The following TCF12 variants were observed in gnomAD, a reference collection of about 807,000 sequenced individuals.
TCF12 encodes DNA-binding protein HTF4.
A neutral mutation model predicts 86.0 loss-of-function variants in TCF12; 45 were observed. That is an observed-to-expected ratio of 0.52 (90% CI 0.41 to 0.67). The LOEUF is 0.67. Ranked by LOEUF, TCF12 falls within the 30% of genes least tolerant of loss-of-function variation. The pLI is 0.00. For synonymous variants in TCF12, 330 were observed against 299.6 expected, an observed-to-expected ratio of 1.10 and a Z score of -1.05; for missense variants, 881 against 859.9, an observed-to-expected ratio of 1.02 and a Z score of -0.31.
chr15:57,184,913 A>G (rs991441204), intron 6 of TCF12, among the ~76,000 whole-genome samples: 3 of 151,884 alleles, frequency 2.0e-5, no homozygotes, highest in Admixed American at 6.6e-5. Flanking sequence ...GCCTATTGTT[A>G]TATTTATATT....
intron 5 of TCF12, among the ~76,000 whole-genome samples, chr15:57,158,752 C>T (rs2054296105): frequency 6.6e-6 from 1 of 152,186 alleles, no homozygotes; most frequent in Non-Finnish European, 1.5e-5. Flanking sequence ...TAATCTCACT[C>T]ACACTTGGCA....
At chr15:57,170,198 C>A (rs1188140670) in intron 6 of TCF12, among the ~76,000 whole-genome samples, 1 of 152,108 alleles carries the variant, frequency 6.6e-6, no homozygotes, top group Non-Finnish European at 1.5e-5. Context: ...GCATAGGAAT[C>A]CATCAGATTT....
At chr15:57,157,569 T>TCCC (rs771765775) in intron 5 of TCF12, among the ~76,000 whole-genome samples, 3 of 149,570 alleles carry the variant, frequency 2.0e-5, no homozygotes, top group Non-Finnish European at 3.0e-5. Flanking sequence ...TTTTTTTTTT[T>TCCC]CCTTTTTTGA....
intron 3 of TCF12, among the ~76,000 whole-genome samples, chr15:56,968,835 A>G (rs368194754): frequency 6.6e-6 from 1 of 152,234 alleles, no homozygotes. Context: ...GACATGAGAC[A>G]TCAGTCATTA....
chr15:56,934,569 T>TG (rs2060385840), intron 3 of TCF12, among the ~76,000 whole-genome samples: 1 of 152,212 alleles, frequency 6.6e-6, no homozygotes, highest in Non-Finnish European at 1.5e-5. Context: ...AAGATGCTCC[T>TG]GCAGCATCCA....
chr15:57,280,811 C>A (rs548966114), intron 19 of TCF12, among the ~76,000 whole-genome samples: 1 of 152,268 alleles, frequency 6.6e-6, no homozygotes, highest in South Asian at 2.1e-4. Context: ...AATATTACAA[C>A]TTCTAAAAAA....
At chr15:57,189,654 G>T (rs185624404) in intron 6 of TCF12, among the ~76,000 whole-genome samples, 141 of 152,288 alleles carry the variant, frequency 9.3e-4, no homozygotes, top group Middle Eastern at 3.4e-3. Flanking sequence ...AAATAGTGCA[G>T]CCCCTGTGGA....
chr15:57,031,380 T>TTG (rs1555485053), intron 3 of TCF12, among the ~76,000 whole-genome samples: 27 of 151,890 alleles, frequency 1.8e-4, no homozygotes, highest in Non-Finnish European at 2.9e-4. Context: ...GCTTGAGGTT[T>TTG]GGGGGGTCAG....
intron 5 of TCF12, among the ~76,000 whole-genome samples, chr15:57,104,589 G>A (rs1375536564): frequency 1.3e-5 from 2 of 150,242 alleles, no homozygotes; most frequent in Admixed American, 6.6e-5. Flanking sequence ...CTACAGGCGC[G>A]CACACCCAGC....
At chr15:57,108,685 G>A (rs75105439) in intron 5 of TCF12, among the ~76,000 whole-genome samples, 280 of 151,694 alleles carry the variant, frequency 1.8e-3, no homozygotes, top group Non-Finnish European at 3.2e-3. Flanking sequence ...TTGTTGGGGG[G>A]TAGGAGTGGG....
intron 3 of TCF12, among the ~76,000 whole-genome samples, chr15:57,036,725 T>C (rs1404641934): frequency 2.0e-5 from 3 of 152,246 alleles, no homozygotes; most frequent in South Asian, 2.1e-4. Context: ...TATATTTCTT[T>C]ATAAAATATT....
At chr15:57,059,570 T>C (rs1198271718) in intron 3 of TCF12, among the ~76,000 whole-genome samples, 1 of 152,136 alleles carries the variant, frequency 6.6e-6, no homozygotes, top group Non-Finnish European at 1.5e-5. Context: ...TAGTGGCAAA[T>C]GGGCAGAGAA....
Position 57,145,977 on chromosome 15 carries a change from A to C in TCF12, c.326-20425A>C, listed in dbSNP as rs1180522015. On this transcript the variant is annotated intron_variant, in intron 5 of 20. Coordinates refer to ENST00000333725, the MANE Select transcript of TCF12 (RefSeq NM_207037.2). ...GGTACCCGAGATTCTGAATTTTTAC[A>C]AACTTCATGGCCTTGCCTCTGATCT... Among the ~76,000 whole-genome samples, 4 of 152,320 alleles carry C rather than the reference A, an allele frequency of 2.6e-5. No individual in the cohort carries two copies. The South Asian group carries it at 6.2e-4, about 24-fold the overall frequency.
chr15:57,150,610 A>G (rs1325060522), intron 5 of TCF12, among the ~76,000 whole-genome samples: 3 of 152,166 alleles, frequency 2.0e-5, no homozygotes, highest in Non-Finnish European at 4.4e-5. Flanking sequence ...TTGACTTAAA[A>G]ATTACTAGCA....
intron 13 of TCF12, chr15:57,247,527 C>G: frequency 1.1e-6 from 1 of 894,376 alleles, no homozygotes. Context: ...TCATGATCAT[C>G]AAAAGTTATA....
chr15:56,946,872 A>G (rs7170742), intron 3 of TCF12, among the ~76,000 whole-genome samples: 7,327 of 140,954 alleles, frequency 0.052, 380 homozygotes, highest in African/African-American at 0.14. Flanking sequence ...ATCTCAGCTC[A>G]CTGCAACCTC....
chr15:56,995,501 G>A (rs1227471249), intron 3 of TCF12, among the ~76,000 whole-genome samples: 5 of 151,794 alleles, frequency 3.3e-5, no homozygotes, highest in Non-Finnish European at 7.4e-5. Context: ...GCAGTGTTTT[G>A]TAATTCTCCT....
intron 5 of TCF12, among the ~76,000 whole-genome samples, chr15:57,124,642 A>G (rs1596657815): frequency 6.6e-6 from 1 of 151,702 alleles, no homozygotes; most frequent in African/African-American, 2.4e-5. Flanking sequence ...TAACATTTTC[A>G]CCAGACACAA....
chr15:56,918,601 G>C (rs886638843), upstream of TCF12: 11 of 239,194 alleles, frequency 4.6e-5, no homozygotes, highest in Non-Finnish European at 5.9e-5. Flanking sequence ...GGGGAGGGAA[G>C]GGTTAACCCG....
Sources: gnomAD v4.1 joint callset for allele counts (sites outside exome capture counted in the v4.1 genomes callset) on GRCh38, gnomAD v4.1.1 for gene constraint, MANE v1.5 for transcripts, NCBI Gene and HGNC (gene_info 2026-07-23, HGNC 2026-07-21) for gene names.